The following ANGPT1 variants were observed in gnomAD, a reference collection of about 807,000 sequenced individuals.
ANGPT1 encodes the protein angiopoietin 1.
ANGPT1 carries 17 observed loss-of-function variants against 62.2 expected under a neutral mutation model. That is an observed-to-expected ratio of 0.27 (90% CI 0.19 to 0.41). The LOEUF (loss-of-function observed/expected upper bound fraction) is 0.41, where lower values mean the gene tolerates loss of function less well. Ranked by LOEUF, ANGPT1 falls within the 10% of genes least tolerant of loss-of-function variation. The pLI is 1.00. For synonymous variants in ANGPT1, 199 were observed against 198.9 expected (o/e 1.00, Z 0.00); for missense variants, 478 against 594.9 (o/e 0.80, Z 2.04).
In ANGPT1 at chr8:107,250,917, A is replaced by C. The variant is rs901301633; in HGVS notation, c.*938T>G. On this transcript the variant is annotated 3_prime_UTR_variant, in exon 9 of 9. Transcript: ENST00000517746. ...CTCCAGAGTACTTGCTTTTACTTCA[A>C]CTTAACATACTCCAAAATATTGCTT... is the stretch of plus-strand genomic sequence containing the variant. 1 of 152,170 alleles carries C rather than the reference A, an allele frequency of 6.6e-6. No homozygotes were observed. The highest frequency in any genetic ancestry group is 1.5e-5 in the Non-Finnish European group (1 of 68,002). The allele number at this position is 152,170 out of a possible 1,614,324, so 9.4% of individuals were successfully genotyped here.
At chr8:107,471,514 C>G (rs1305632300) in intron 1 of ANGPT1, among the ~76,000 whole-genome samples, 1 of 152,014 alleles carries the variant, frequency 6.6e-6, no homozygotes, top group Non-Finnish European at 1.5e-5. Flanking sequence ...TGTAACAAAC[C>G]TGCACGTTCT....
chr8:107,259,427 C>T (rs73309757), intron 8 of ANGPT1, among the ~76,000 whole-genome samples: 1,951 of 152,184 alleles, frequency 0.013, 60 homozygotes, highest in African/African-American at 0.045. Context: ...AAGAAATTTA[C>T]GTGTATGGCT....
At chr8:107,366,478 G>A (rs1355575156) in intron 1 of ANGPT1, among the ~76,000 whole-genome samples, 1 of 152,072 alleles carries the variant, frequency 6.6e-6, no homozygotes, top group Non-Finnish European at 1.5e-5. Flanking sequence ...CCTGAAATAC[G>A]TTTGCTGTGT....
At chr8:107,363,161 T>C (rs1468172655) in intron 1 of ANGPT1, among the ~76,000 whole-genome samples, 1 of 152,070 alleles carries the variant, frequency 6.6e-6, no homozygotes, top group Non-Finnish European at 1.5e-5. Flanking sequence ...AGATAAATAT[T>C]TCTCATCAGT....
chr8:107,406,895 A>AC (rs1269768686), intron 1 of ANGPT1, among the ~76,000 whole-genome samples: 1 of 150,356 alleles, frequency 6.7e-6, no homozygotes, highest in Non-Finnish European at 1.5e-5. Flanking sequence ...CAAAAAAAAA[A>AC]AAAAGCAATT....
rs998048543 is a variant in ANGPT1, at chr8:107,478,623, T to C, written c.297+18639A>G. On this transcript the variant is annotated intron_variant, in intron 1 of 8. Coordinates refer to ENST00000517746, the MANE Select transcript of ANGPT1 (RefSeq NM_001146.5). ...TTATATTGTACAATACACATAATCT[T>C]CATAAAAGAGAAAATGTTTAAAACT... Among the ~76,000 whole-genome samples, 8 of 152,316 alleles carry C rather than the reference T, an allele frequency of 5.3e-5. No homozygotes were observed. The East Asian group carries it at 1.5e-3, about 29-fold the overall frequency.
intron 4 of ANGPT1, among the ~76,000 whole-genome samples, chr8:107,305,387 G>A (rs11775037): frequency 0.13 from 19,567 of 151,710 alleles, 1,555 homozygotes; most frequent in East Asian, 0.35. Flanking sequence ...GTTATGTATG[G>A]AGAACACATT....
chr8:107,272,682 T>A (rs12542896), intron 7 of ANGPT1, among the ~76,000 whole-genome samples: 2 of 151,168 alleles, frequency 1.3e-5, no homozygotes, highest in African/African-American at 2.4e-5. Flanking sequence ...GTTATTGTTG[T>A]GTGCCTTTCA....
intron 7 of ANGPT1, among the ~76,000 whole-genome samples, chr8:107,268,594 A>G (rs1352940775): frequency 6.6e-6 from 1 of 152,152 alleles, no homozygotes; most frequent in Non-Finnish European, 1.5e-5. Context: ...ATTATTCCTT[A>G]CATTTTATTG....
intron 1 of ANGPT1, among the ~76,000 whole-genome samples, chr8:107,439,274 G>A (rs1386074554): frequency 1.3e-5 from 2 of 152,190 alleles, no homozygotes; most frequent in Admixed American, 1.3e-4. Flanking sequence ...AGACCTGGGA[G>A]TAAGTTATTT....
rs140085272 is a variant in ANGPT1, at chr8:107,428,632, TTGTG to T, written c.297+68626_297+68629del. On this transcript the variant is annotated intron_variant, in intron 1 of 8. Transcript: ENST00000517746. ...TAGTAGTGCTGGTAGTTTTTTCATTTTGTGTGTGTGTGTGTGTGTGTGTGTGTTT... is the reference window on the plus strand; with the variant it reads ...TAGTAGTGCTGGTAGTTTTTTCATTTTGTGTGTGTGTGTGTGTGTGTGTTT... Among the ~76,000 whole-genome samples the T allele has an allele frequency of 8.3e-4, 124 of 149,254 alleles. 1 individual carries two copies. Among genetic ancestry groups the T allele is most frequent in the Middle Eastern group, 7.0e-3 (2 of 284 alleles).
At chr8:107,356,197 G>T (rs1433801210) in intron 1 of ANGPT1, among the ~76,000 whole-genome samples, 1 of 152,098 alleles carries the variant, frequency 6.6e-6, no homozygotes, top group East Asian at 1.9e-4. Flanking sequence ...AACCCATCTT[G>T]TCTTACTATG....
At chr8:107,367,204 C>G (rs892345001) in intron 1 of ANGPT1, among the ~76,000 whole-genome samples, 1 of 152,182 alleles carries the variant, frequency 6.6e-6, no homozygotes, top group Non-Finnish European at 1.5e-5. Context: ...AATAAAGCAA[C>G]TCATACAATC....
At chr8:107,253,066 T>G (rs946067468) in intron 8 of ANGPT1, among the ~76,000 whole-genome samples, 1 of 152,238 alleles carries the variant, frequency 6.6e-6, no homozygotes, top group Non-Finnish European at 1.5e-5. Context: ...CTAGTTCTCA[T>G]TTTTCAACTT....
Position 107,293,924 on chromosome 8 carries a change from C to T in ANGPT1, c.1038+12G>A. 6.2e-7 allele frequency: 1 copy of T among 1,601,456 alleles called. No individual in the cohort carries two copies. Among genetic ancestry groups the T allele is most frequent in the Non-Finnish European group, 8.5e-7 (1 of 1,170,858 alleles). On this transcript the variant is annotated intron_variant, in intron 6 of 8. Transcript: ENST00000517746. ...AAAACACCAAAAAGCACCATAAATT[C>T]TTGCATCTTACCATTTTATATTCCT...
intron 1 of ANGPT1, among the ~76,000 whole-genome samples, chr8:107,410,882 T>C (rs1586299466): frequency 6.6e-6 from 1 of 152,276 alleles, no homozygotes; most frequent in East Asian, 1.9e-4. Flanking sequence ...GTCTCTTACT[T>C]AGTATTATTA....
At chr8:107,409,554 G>A (rs905111473) in intron 1 of ANGPT1, among the ~76,000 whole-genome samples, 2 of 152,030 alleles carry the variant, frequency 1.3e-5, no homozygotes, top group Non-Finnish European at 2.9e-5. Context: ...TCCCTTCCTT[G>A]AGAAGTTTTC....
At position 107,333,753 on chromosome 8, in the gene ANGPT1, A is replaced by C. The variant is rs1586232704; in HGVS notation, c.575+2397T>G. Among the ~76,000 whole-genome samples the C allele has an allele frequency of 3.9e-5, 6 of 152,084 alleles. No individual in the cohort carries two copies. The South Asian group carries it at 1.2e-3, about 32-fold the overall frequency. On this transcript the variant is annotated intron_variant, in intron 3 of 8. Coordinates refer to ENST00000517746, the MANE Select transcript of ANGPT1 (RefSeq NM_001146.5). ...CCTAACTCACTTTTACTGATAGAGCAGAGAGAACAACTTTAAAGCAGTTTG... is the reference window on the plus strand; with the variant it reads ...CCTAACTCACTTTTACTGATAGAGCCGAGAGAACAACTTTAAAGCAGTTTG...
chr8:107,476,443 G>C (rs561519688), intron 1 of ANGPT1, among the ~76,000 whole-genome samples: 3 of 152,140 alleles, frequency 2.0e-5, no homozygotes, highest in African/African-American at 2.4e-5. Flanking sequence ...CATGGGGTGG[G>C]GGGGAGCAGG....
Sources: allele counts gnomAD v4.1 joint callset (sites outside exome capture counted in the v4.1 genomes callset), GRCh38; gene constraint gnomAD v4.1.1; transcripts MANE v1.5; gene names NCBI Gene and HGNC (gene_info 2026-07-23, HGNC 2026-07-21).